The following UST variants were observed in gnomAD, a reference collection of about 807,000 sequenced individuals.
UST encodes the protein uronyl 2-sulfotransferase, also known as chondroitin sulfate 2-O-sulfotransferase.
A neutral mutation model predicts 45.6 loss-of-function variants in UST; 21 were observed. The observed-to-expected ratio is 0.46, with a 90% confidence interval of 0.33 to 0.66. The LOEUF is 0.66. UST is among the 30% of genes least tolerant of loss of function. The pLI is 0.02. For missense variants in UST, 463 were observed against 512.4 expected, an observed-to-expected ratio of 0.90 and a Z score of 0.93; for synonymous variants, 215 against 200.6, an observed-to-expected ratio of 1.07 and a Z score of -0.61.
chr6:148,847,388 G>T (rs1778011641), intron 1 of UST, among the ~76,000 whole-genome samples: 1 of 152,250 alleles, frequency 6.6e-6, no homozygotes, highest in African/African-American at 2.4e-5. Context: ...GTGGGCCTCA[G>T]TTGCCTGCTG....
At chr6:148,749,821 A>G (rs1775953766) in intron 1 of UST, among the ~76,000 whole-genome samples, 1 of 152,216 alleles carries the variant, frequency 6.6e-6, no homozygotes, top group Admixed American at 6.5e-5. Flanking sequence ...TGCTCCTGTT[A>G]CTAGCTGATC....
In UST at chr6:148,964,409, G is replaced by C; in HGVS notation, c.528-1G>C. 1 of 1,614,142 alleles carries C rather than the reference G, an allele frequency of 6.2e-7. No individual in the cohort carries two copies. Among genetic ancestry groups the C allele is most frequent in the South Asian group, 1.1e-5 (1 of 91,078 alleles). ...TGTAACGAACTCAATGTTTGTGTTA[G>C]GTTTGGAGGAGACCAGCCTGTCTAC... On this transcript the variant is annotated splice_acceptor_variant, in intron 4 of 7. Coordinates refer to ENST00000367463, the MANE Select transcript of UST (RefSeq NM_005715.3). LOFTEE classifies it high-confidence loss of function.
chr6:148,880,508 C>T (rs918714512), intron 1 of UST, among the ~76,000 whole-genome samples: 2 of 152,216 alleles, frequency 1.3e-5, no homozygotes, highest in African/African-American at 4.8e-5. Context: ...TACTGCCATG[C>T]AGAGACTCAG....
chr6:149,057,484 C>T (rs1415371329), intron 7 of UST, among the ~76,000 whole-genome samples: 2 of 152,148 alleles, frequency 1.3e-5, no homozygotes, highest in African/African-American at 4.8e-5. Context: ...GAATTGAAGA[C>T]CTTATCAGCT....
At chr6:149,056,117 C>CTTTTTTTT (rs34191810) in intron 7 of UST, among the ~76,000 whole-genome samples, 154 of 81,056 alleles carry the variant, frequency 1.9e-3, no homozygotes, top group East Asian at 2.2e-3. Flanking sequence ...CTTTTCTTTT[C>CTTTTTTTT]TTTTTTTTTT....
intron 5 of UST, among the ~76,000 whole-genome samples, chr6:149,012,804 T>TAAAAAAA (rs763495869): frequency 9.6e-6 from 1 of 104,156 alleles, no homozygotes. Flanking sequence ...AGTCACTATT[T>TAAAAAAA]AAAAAAAAAA....
At position 149,076,655 on chromosome 6, in the gene UST, G is replaced by T. The variant is rs1010528692; in HGVS notation, c.*2539G>T. 6.6e-6 allele frequency: 1 copy of T among 152,456 alleles called. No individual in the cohort carries two copies. The highest frequency in any genetic ancestry group is 2.4e-5 in the African/African-American group (1 of 41,374). 9.4% of individuals were successfully genotyped at this position (152,456 alleles called of 1,614,324 possible). ...CAGTTTGTACTTCATGAAACATATT[G>T]TACATTTTACATAGTTTAATTTAAA... On this transcript the variant is annotated 3_prime_UTR_variant, in exon 8 of 8. Transcript: ENST00000367463.
chr6:148,759,061 C>T (rs183257813), intron 1 of UST, among the ~76,000 whole-genome samples: 100 of 152,264 alleles, frequency 6.6e-4, no homozygotes, highest in African/African-American at 2.4e-3. Context: ...ATGTGAGCCT[C>T]CAAGGCTTCA....
chr6:149,016,538 G>A (rs966270067), intron 5 of UST, among the ~76,000 whole-genome samples: 4 of 152,180 alleles, frequency 2.6e-5, no homozygotes, highest in African/African-American at 9.7e-5. Context: ...GTCCAGGCAG[G>A]GTGCTGAGCA....
chr6:148,987,884 A>G (rs767238387), intron 5 of UST, among the ~76,000 whole-genome samples: 1 of 152,126 alleles, frequency 6.6e-6, no homozygotes, highest in African/African-American at 2.4e-5. Context: ...CCAAACAGAC[A>G]TGAGCATCTA....
In UST at chr6:149,049,408, A is replaced by G. The variant is rs185351400; in HGVS notation, c.938-24425A>G. Among the ~76,000 whole-genome samples, 15 of 152,360 alleles carry G rather than the reference A, an allele frequency of 9.8e-5. 1 individual carries two copies. On this transcript the variant is annotated intron_variant, in intron 7 of 7. Transcript: ENST00000367463. ...ATATGATACCAGTTTTACTAGAAAA[A>G]CTACGTGAGCACAGGAAATGATTAA...
At chr6:148,833,718 A>G (rs1777733769) in intron 1 of UST, among the ~76,000 whole-genome samples, 1 of 152,228 alleles carries the variant, frequency 6.6e-6, no homozygotes, top group African/African-American at 2.4e-5. Flanking sequence ...TAAACTTCAC[A>G]GAGTTGTTCA....
chr6:148,926,897 G>A (rs1779823624), intron 2 of UST, among the ~76,000 whole-genome samples: 1 of 152,096 alleles, frequency 6.6e-6, no homozygotes, highest in Non-Finnish European at 1.5e-5. Context: ...TCTGCTATAG[G>A]GGGTTGTCAT....
At chr6:148,844,146 T>C (rs1382064686) in intron 1 of UST, among the ~76,000 whole-genome samples, 3 of 152,238 alleles carry the variant, frequency 2.0e-5, no homozygotes, top group Non-Finnish European at 4.4e-5. Flanking sequence ...GCACTGTTTA[T>C]GTACTTCCAT....
intron 2 of UST, among the ~76,000 whole-genome samples, chr6:148,914,879 A>T (rs1424111897): frequency 1.3e-5 from 2 of 152,250 alleles, no homozygotes; most frequent in Admixed American, 1.3e-4. Context: ...AGGCTTCTAT[A>T]ACAAAATACC....
At chr6:148,766,759 T>G (rs922144085) in intron 1 of UST, among the ~76,000 whole-genome samples, 3 of 152,276 alleles carry the variant, frequency 2.0e-5, no homozygotes, top group Admixed American at 6.5e-5. Context: ...AGATATGTGT[T>G]CATTTGGTCA....
At chr6:148,783,919 A>G (rs1021855254) in intron 1 of UST, among the ~76,000 whole-genome samples, 2 of 152,204 alleles carry the variant, frequency 1.3e-5, no homozygotes, top group African/African-American at 2.4e-5. Context: ...GATGAGCTAC[A>G]AGATTCAATG....
intron 1 of UST, among the ~76,000 whole-genome samples, chr6:148,851,626 A>G (rs1020975973): frequency 6.6e-6 from 1 of 152,236 alleles, no homozygotes; most frequent in Admixed American, 6.5e-5. Context: ...GGCGACCTTT[A>G]TGGTCAATCA....
intron 5 of UST, among the ~76,000 whole-genome samples, chr6:149,013,411 AACT>A (rs1775847789): frequency 1.3e-5 from 2 of 152,054 alleles, no homozygotes. Flanking sequence ...CTGTAATCCC[AACT>A]ACTCGGGAGG....
Sources: allele counts gnomAD v4.1 joint callset (sites outside exome capture counted in the v4.1 genomes callset), GRCh38; gene constraint gnomAD v4.1.1; transcripts MANE v1.5; gene names NCBI Gene and HGNC (gene_info 2026-07-23, HGNC 2026-07-21).